ERICH6B: variants seen among roughly 807,000 people sequenced by gnomAD.
ERICH6B encodes glutamate-rich protein 6B.
Under a neutral mutation model 80.0 loss-of-function variants are expected in ERICH6B, and 69 were observed. The ratio of observed to expected loss-of-function variants is 0.86; its 90% confidence interval spans 0.71 to 1.05. The LOEUF is 1.05. Ranked by LOEUF, ERICH6B falls within the 50% of genes least tolerant of loss-of-function variation. ERICH6B has a pLI of 0.00. For missense variants in ERICH6B, 754 were observed against 796.1 expected (o/e 0.95, Z 0.64); for synonymous variants, 283 against 291.9 (o/e 0.97, Z 0.31).
intron 13 of ERICH6B, among the ~76,000 whole-genome samples, chr13:45,548,322 G>T (rs1874069432): frequency 6.6e-6 from 1 of 152,210 alleles, no homozygotes; most frequent in Non-Finnish European, 1.5e-5. Context: ...AGCAGTTAGG[G>T]TCGTGCCCTG....
At chr13:45,601,068 C>G (rs1360841661) in intron 2 of ERICH6B, among the ~76,000 whole-genome samples, 4 of 152,178 alleles carry the variant, frequency 2.6e-5, no homozygotes, top group Non-Finnish European at 5.9e-5. Flanking sequence ...TCCCTTACCC[C>G]TGATGTTTCT....
At chr13:45,594,087 C>T (rs1236563188) in intron 3 of ERICH6B, among the ~76,000 whole-genome samples, 2 of 152,168 alleles carry the variant, frequency 1.3e-5, no homozygotes, top group Admixed American at 6.5e-5. Context: ...CGAGGGTAAA[C>T]AAAGTTATAT....
intron 2 of ERICH6B, among the ~76,000 whole-genome samples, chr13:45,604,682 T>G (rs1757181771): frequency 6.6e-6 from 1 of 151,558 alleles, no homozygotes; most frequent in Non-Finnish European, 1.5e-5. Flanking sequence ...TACAAACATT[T>G]TTGGCTGGAA....
chr13:45,590,706 A>G lies in ERICH6B; in HGVS notation c.638-9T>C, dbSNP rs566291959. ...ATAACTTGCCTTGGGTTCTATTGGAAAAAAGAATAAAAAAGCAATATTGGC... is the reference window on the plus strand; with the variant it reads ...ATAACTTGCCTTGGGTTCTATTGGAGAAAAGAATAAAAAAGCAATATTGGC... On this transcript the variant is annotated splice_polypyrimidine_tract_variant and intron_variant, in intron 3 of 14. Coordinates refer to ENST00000298738, the MANE Select transcript of ERICH6B (RefSeq NM_182542.3). 10 of 1,549,640 alleles carry G rather than the reference A, an allele frequency of 6.5e-6. No individual in the cohort carries two copies. In the African/African-American group the frequency reaches 9.6e-5, roughly 15 times the overall value.
In ERICH6B at chr13:45,587,043, C is replaced by T. The variant is rs1423648153; in HGVS notation, c.856+20G>A. ...ACAGAGCCCGGCTGCGCCTCACCGACAGAGCGCAGCTTCCCTCACCGGCAG... is the reference window on the plus strand; with the variant it reads ...ACAGAGCCCGGCTGCGCCTCACCGATAGAGCGCAGCTTCCCTCACCGGCAG... On this transcript the variant is annotated intron_variant, in intron 5 of 14. Coordinates refer to ENST00000298738, the MANE Select transcript of ERICH6B (RefSeq NM_182542.3). 1.9e-6 allele frequency: 3 copies of T among 1,547,604 alleles called. No individual in the cohort carries two copies. Among genetic ancestry groups the T allele is most frequent in the Admixed American group, 2.0e-5 (1 of 50,596 alleles).
At chr13:45,599,942 T>C (rs74070514) in intron 2 of ERICH6B, among the ~76,000 whole-genome samples, 3,205 of 152,214 alleles carry the variant, frequency 0.021, 112 homozygotes, top group African/African-American at 0.073. Flanking sequence ...TTATCCTTCA[T>C]TTTATGGTTC....
At chr13:45,553,564 T>C (rs539592932) in intron 11 of ERICH6B, among the ~76,000 whole-genome samples, 1 of 152,206 alleles carries the variant, frequency 6.6e-6, no homozygotes, top group African/African-American at 2.4e-5. Flanking sequence ...TGTTTCCTTA[T>C]GCCGAGCACT....
chr13:45,581,521 C>T (rs193115970), intron 5 of ERICH6B, among the ~76,000 whole-genome samples: 58 of 152,314 alleles, frequency 3.8e-4, no homozygotes, highest in African/African-American at 1.2e-3. Flanking sequence ...GGACTACAGG[C>T]GTGTGCCACC....
At chr13:45,600,900 G>A (rs1387981140) in intron 2 of ERICH6B, among the ~76,000 whole-genome samples, 1 of 152,126 alleles carries the variant, frequency 6.6e-6, no homozygotes, top group East Asian at 1.9e-4. Context: ...AGTTCTATAA[G>A]TCCAGTTTTA....
intron 8 of ERICH6B, among the ~76,000 whole-genome samples, chr13:45,574,447 G>C (rs1875295814): frequency 6.6e-6 from 1 of 152,228 alleles, no homozygotes; most frequent in African/African-American, 2.4e-5. Flanking sequence ...ATTGGGAACA[G>C]CTGGGGAGAG....
At position 45,613,547 on chromosome 13, in the gene ERICH6B, G is replaced by A. The variant is rs577011980; in HGVS notation, c.-111+2138C>T. On this transcript the variant is annotated intron_variant, in intron 1 of 14. Coordinates refer to ENST00000298738, the MANE Select transcript of ERICH6B (RefSeq NM_182542.3). ...CTCCAAAAGCATTACTTGAAGCGGT[G>A]AACTAACATAAAGCTGAAGTTTATC... 7.9e-5 allele frequency among the ~76,000 whole-genome samples: 12 copies of A among 152,296 alleles called. 1 individual carries two copies. In the South Asian group the frequency reaches 2.1e-3, roughly 26 times the overall value.
chr13:45,600,436 G>A (rs555425948), intron 2 of ERICH6B, among the ~76,000 whole-genome samples: 5 of 152,114 alleles, frequency 3.3e-5, no homozygotes, highest in Admixed American at 6.5e-5. Flanking sequence ...GTAAAGTCAC[G>A]GTTTTTAGGG....
At chr13:45,556,790 T>TAC (rs1393311890) in intron 11 of ERICH6B, among the ~76,000 whole-genome samples, 1 of 152,056 alleles carries the variant, frequency 6.6e-6, no homozygotes, top group Non-Finnish European at 1.5e-5. Context: ...TATATATATA[T>TAC]ACACACACAT....
intron 5 of ERICH6B, among the ~76,000 whole-genome samples, chr13:45,580,952 C>T (rs1023898731): frequency 6.6e-6 from 1 of 152,176 alleles, no homozygotes; most frequent in Non-Finnish European, 1.5e-5. Flanking sequence ...TTTTGGTCCT[C>T]AGAATAGCTG....
intron 3 of ERICH6B, among the ~76,000 whole-genome samples, chr13:45,594,483 C>T (rs146993478): frequency 1.3e-5 from 2 of 152,308 alleles, no homozygotes; most frequent in Admixed American, 6.5e-5. Context: ...TGCTATTTTT[C>T]AGTATTAGAA....
chr13:45,580,466 C>T, intron 6 of ERICH6B, 137 bp downstream of exon 6: 1 of 801,394 alleles, frequency 1.2e-6, no homozygotes. Flanking sequence ...CCATTGGCCT[C>T]CATTAAGCCT....
intron 14 of ERICH6B, among the ~76,000 whole-genome samples, chr13:45,541,930 C>A (rs1347867369): frequency 2.0e-5 from 3 of 152,220 alleles, no homozygotes; most frequent in African/African-American, 7.2e-5. Flanking sequence ...GGCCCTAAAC[C>A]GGAGGGAAAG....
intron 7 of ERICH6B, among the ~76,000 whole-genome samples, chr13:45,579,603 G>T (rs903577594): frequency 6.6e-6 from 1 of 152,174 alleles, no homozygotes; most frequent in African/African-American, 2.4e-5. Flanking sequence ...ATCTGGGGAG[G>T]TGCAGGTATC....
chr13:45,541,520 C>A lies in ERICH6B; in HGVS notation c.2033G>T (p.Ser678Ile). ...GTACTTGTTGTCCATCAGTGATATA[C>A]TGACGGCCTCTATGAAGTTTTCCAG... ...PDLENFIEAVSISLMDNKYLK... is the reference protein window; with the variant it reads ...PDLENFIEAVIISLMDNKYLK... The change falls in exon 15 of 15, where the codon AGT (serine) becomes ATT (isoleucine). Residue 678 changes from serine (S) to isoleucine (I), a missense_variant. Transcript: ENST00000298738. 1 of 1,552,154 alleles carries A rather than the reference C, an allele frequency of 6.4e-7. No homozygotes were observed. The highest frequency in any genetic ancestry group is 8.7e-7 in the Non-Finnish European group (1 of 1,147,088).
Sources: allele counts gnomAD v4.1 joint callset (sites outside exome capture counted in the v4.1 genomes callset), GRCh38; gene constraint gnomAD v4.1.1; transcripts MANE v1.5; gene names NCBI Gene and HGNC (gene_info 2026-07-23, HGNC 2026-07-21).